DDIAS: variants seen among roughly 807,000 people sequenced by gnomAD.
DDIAS encodes DNA damage-induced apoptosis suppressor protein.
Under a neutral mutation model 15.7 loss-of-function variants are expected in DDIAS, and 14 were observed. That is an observed-to-expected ratio of 0.89 (90% CI 0.59 to 1.39). The LOEUF is 1.39. Among genes scored for constraint, DDIAS ranks in the 40% most tolerant of loss-of-function variants. The probability of loss-of-function intolerance (pLI) is 0.00; values close to 1 mark genes in which losing one functional copy is unlikely to be tolerated. For synonymous variants in DDIAS, 355 were observed against 395.9 expected (o/e 0.90, Z 1.23); for missense variants, 1,035 against 1,130.9 (o/e 0.92, Z 1.22).
intron 1 of DDIAS, 123 bp from the exon 2 acceptor site, chr11:82,913,164 A>G (rs111389160): frequency 5.3e-5 from 8 of 152,380 alleles, no homozygotes; most frequent in African/African-American, 1.9e-4. Flanking sequence ...CAGGGTTGCT[A>G]TAAACCTTCA....
Position 82,934,560 on chromosome 11 carries a change from T to C in DDIAS, c.*225T>C, listed in dbSNP as rs760316010. ...TAGTTGAGCACTTTATCTTATACTG[T>C]TTATTGTACTTTAATAATATTGTTA... On this transcript the variant is annotated 3_prime_UTR_variant, in exon 6 of 6. Coordinates refer to ENST00000533655, the MANE Select transcript of DDIAS (RefSeq NM_145018.4). 2 of 398,220 alleles carry C rather than the reference T, an allele frequency of 5.0e-6. No homozygotes were observed. The highest frequency in any genetic ancestry group is 2.1e-5 in the African/African-American group (1 of 48,690). The allele number at this position is 398,220 out of a possible 1,614,324, so 24.7% of individuals were successfully genotyped here.
At chr11:82,931,330 T>G (rs1860980483) in intron 5 of DDIAS, among the ~76,000 whole-genome samples, 1 of 152,136 alleles carries the variant, frequency 6.6e-6, no homozygotes, top group South Asian at 2.1e-4. Context: ...TAGTTGTATC[T>G]GTTTTAACCT....
In DDIAS at chr11:82,901,772, G is replaced by A. The variant is rs574782651; in HGVS notation, c.-167G>A. 6.6e-6 allele frequency: 1 copy of A among 152,286 alleles called. No individual in the cohort carries two copies. Among genetic ancestry groups the A allele is most frequent in the Admixed American group, 6.5e-5 (1 of 15,296 alleles). The allele number at this position is 152,286 out of a possible 1,614,324, so 9.4% of individuals were successfully genotyped here. A position where few individuals can be genotyped will look rare whatever the true frequency, so the allele number is the denominator to read the frequency against. On this transcript the variant is annotated 5_prime_UTR_variant, in exon 1 of 6. Transcript: ENST00000533655. ...TGCCGGCGTGCTACTGAGTTCGGCC[G>A]GTCCGAGTCACTGTGCGTCGCCTGG...
chr11:82,915,155 T>G lies in DDIAS; in HGVS notation c.113+304T>G, dbSNP rs561038425. 2.0e-5 allele frequency among the ~76,000 whole-genome samples: 3 copies of G among 152,332 alleles called. No individual in the cohort carries two copies. The East Asian group carries it at 5.8e-4, about 29-fold the overall frequency. On this transcript the variant is annotated intron_variant, in intron 3 of 5. Transcript: ENST00000533655. ...TTCTGGGATATCCCTGGGAATAATATAGGAGACTTGTGTTTATTCTTTGTT... is the reference window on the plus strand; with the variant it reads ...TTCTGGGATATCCCTGGGAATAATAGAGGAGACTTGTGTTTATTCTTTGTT...
rs558376358 is a variant in DDIAS, at chr11:82,906,190, C to T, written c.-117+4368C>T. ...AAGGAAATTAATTAACAGTAACTGT[C>T]TGAAACGATCTTATTCTATTATTGT... On this transcript the variant is annotated intron_variant, in intron 1 of 5. Transcript: ENST00000533655. Among the ~76,000 whole-genome samples, 6 of 152,262 alleles carry T rather than the reference C, an allele frequency of 3.9e-5. No homozygotes were observed. In the South Asian group the frequency reaches 1.2e-3, roughly 32 times the overall value.
In DDIAS at chr11:82,932,772, T is replaced by C; in HGVS notation, c.1434T>C (p.Ala478=). ...TTGALHTPPI[A]LRSSQVIVKA... is the part of the protein sequence containing the mutation. ...GAGCCCTGCATACACCACCTATAGC[T>C]TTAAGATCATCACAAGTAATAGTCA... The change falls in exon 6 of 6, where the codon GCT becomes GCC. Residue 478 remains alanine, a synonymous_variant. Coordinates refer to ENST00000533655, the MANE Select transcript of DDIAS (RefSeq NM_145018.4). The C allele has an allele frequency of 6.2e-7, 1 of 1,613,944 alleles. No homozygotes were observed. The highest frequency in any genetic ancestry group is 1.1e-5 in the South Asian group (1 of 91,082).
In DDIAS at chr11:82,931,729, C is replaced by T; in HGVS notation, c.394-3C>T. 2 of 1,567,760 alleles carry T rather than the reference C, an allele frequency of 1.3e-6. No homozygotes were observed. Among genetic ancestry groups the T allele is most frequent in the Non-Finnish European group, 1.7e-6 (2 of 1,162,196 alleles). ...TACTTAAATTTCTTTGCTTCTTTCA[C>T]AGAATTTTGAAAACCAACCTGGACA... On this transcript the variant is annotated splice_polypyrimidine_tract_variant and splice_region_variant and intron_variant, in intron 5 of 5. Transcript: ENST00000533655.
chr11:82,931,348 C>G (rs904830412), intron 5 of DDIAS, among the ~76,000 whole-genome samples: 12 of 151,846 alleles, frequency 7.9e-5, no homozygotes, highest in African/African-American at 2.9e-4. Context: ...CCTTTTAAAT[C>G]TGTTTATTTT....
At position 82,933,442 on chromosome 11, in the gene DDIAS, T is replaced by G; in HGVS notation, c.2104T>G (p.Leu702Val). Reference sequence around the variant, plus strand: ...TACCAAAAAATCACAGGATATTTTGTTAAAATGGGGAACATCTTTGGCAGA... The same window carrying G: ...TACCAAAAAATCACAGGATATTTTGGTAAAATGGGGAACATCTTTGGCAGA... ...EITKKSQDILLKWGTSLAESH... is the reference protein window; with the variant it reads ...EITKKSQDILVKWGTSLAESH... The change falls in exon 6 of 6, where the codon TTA becomes GTA. Residue 702 changes from leucine (L) to valine (V), a missense_variant. Physicochemically the swap from Leu to Val is conservative, Grantham distance 32. Transcript: ENST00000533655. 7 of 1,613,894 alleles carry G rather than the reference T, an allele frequency of 4.3e-6. No individual in the cohort carries two copies. Among genetic ancestry groups the G allele is most frequent in the Middle Eastern group, 1.6e-4 (1 of 6,062 alleles).
chr11:82,910,606 C>CT (rs869173859), intron 1 of DDIAS, among the ~76,000 whole-genome samples: 1,355 of 89,070 alleles, frequency 0.015, 104 homozygotes, highest in East Asian at 0.037. Context: ...CTCTCTCTCT[C>CT]TTTTTTTTTT....
At chr11:82,928,177 CTTTTTTTTTTTTTTTTTTTTTTTTT>C (rs541845327) in intron 3 of DDIAS, among the ~76,000 whole-genome samples, 6 of 34,208 alleles carry the variant, frequency 1.8e-4, no homozygotes, top group African/African-American at 4.9e-4. Flanking sequence ...TTTTTGTCCT[CTTTTTTTTTTTTTTTTTTTTTTTTT>C]TTTTTTTTTT....
chr11:82,932,461 C>T lies in DDIAS; in HGVS notation c.1123C>T (p.His375Tyr), dbSNP rs201284030. The change falls in exon 6 of 6, where the codon CAT (histidine) becomes TAT (tyrosine). Residue 375 changes from histidine to tyrosine, a missense_variant. Transcript: ENST00000533655. ...CCAGCATGAGCTACCATGTTTTCAG[C>T]ATCATGGTATAGATACCCCAACTAG... ...RSQHELPCFQ[H>Y]HGIDTPTSLQ... The T allele has an allele frequency of 2.5e-6, 4 of 1,614,162 alleles. No individual in the cohort carries two copies. In the East Asian group the frequency reaches 8.9e-5, roughly 36 times the overall value.
At chr11:82,913,814 G>A (rs1315649381) in intron 2 of DDIAS, 2 of 386,578 alleles carry the variant, frequency 5.2e-6, no homozygotes, top group Admixed American at 7.2e-5. Context: ...TGTGAATTTT[G>A]GATTTTTGAA....
intron 1 of DDIAS, among the ~76,000 whole-genome samples, chr11:82,907,086 G>A (rs960968329): frequency 6.6e-6 from 1 of 152,112 alleles, no homozygotes; most frequent in Non-Finnish European, 1.5e-5. Flanking sequence ...CTGGGAAAAC[G>A]TCCTAGAAAA....
At chr11:82,907,934 G>A (rs918061250) in intron 1 of DDIAS, among the ~76,000 whole-genome samples, 2 of 152,146 alleles carry the variant, frequency 1.3e-5, no homozygotes, top group Non-Finnish European at 1.5e-5. Context: ...CTAGGTCCCC[G>A]TCTTTATGAA....
intron 3 of DDIAS, chr11:82,922,597 T>G (rs1860775895): frequency 6.6e-6 from 1 of 152,226 alleles, no homozygotes; most frequent in Non-Finnish European, 1.5e-5. Context: ...CCTTGAATGT[T>G]TCTCCCTTCA....
In DDIAS at chr11:82,932,091, AC is replaced by A. The variant is rs1861001854; in HGVS notation, c.754del (p.Leu252Ter). ...TTGAATTCACTTGCATTGTTTCACA[AC>A]TAACAGATAATGATGATTTTTCAGC... ...SLEFTCIVSQ[L>X]TDNDDFSASE... On this transcript the variant is annotated frameshift_variant, in exon 6 of 6. Transcript: ENST00000533655. LOFTEE classifies it low-confidence loss of function (END_TRUNC). 6.2e-7 allele frequency: 1 copy of A among 1,614,012 alleles called. No individual in the cohort carries two copies. Among genetic ancestry groups the A allele is most frequent in the Non-Finnish European group, 8.5e-7 (1 of 1,180,014 alleles).
At chr11:82,926,770 C>T (rs1243188963) in intron 3 of DDIAS, among the ~76,000 whole-genome samples, 1 of 152,106 alleles carries the variant, frequency 6.6e-6, no homozygotes. Context: ...CTGTATTACA[C>T]CACACTAACA....
intron 3 of DDIAS, among the ~76,000 whole-genome samples, chr11:82,919,647 T>C (rs1860703472): frequency 6.6e-6 from 1 of 152,250 alleles, no homozygotes; most frequent in South Asian, 2.1e-4. Flanking sequence ...CTTTATCTCA[T>C]AGAATAGCGT....
Sources: allele counts gnomAD v4.1 joint callset (sites outside exome capture counted in the v4.1 genomes callset), GRCh38; gene constraint gnomAD v4.1.1; transcripts MANE v1.5; gene names NCBI Gene and HGNC (gene_info 2026-07-23, HGNC 2026-07-21).